LONRF3: variants seen among roughly 807,000 people sequenced by gnomAD.
LONRF3 encodes the protein LON peptidase N-terminal domain and RING finger protein 3.
LONRF3 carries 19 observed loss-of-function variants against 51.7 expected under a neutral mutation model. That is an observed-to-expected ratio of 0.37 (90% CI 0.26 to 0.54). LONRF3 has a LOEUF of 0.54. LONRF3 is among the 20% of genes least tolerant of loss of function. LONRF3 has a pLI of 0.86. For missense variants in LONRF3, 521 were observed against 623.9 expected (o/e 0.84, Z 1.76); for synonymous variants, 265 against 257.8 (o/e 1.03, Z -0.27).
intron 3 of LONRF3, chrX:118,986,923 A>T (rs956533518): frequency 1.5e-5 from 17 of 1,151,093 alleles, no homozygotes; most frequent in Admixed American, 5.2e-5. Context: ...TTTATGTCAC[A>T]GCTTCTCCTT....
rs747144199 is a variant in LONRF3, at chrX:118,974,657, G to T, written c.-124G>T. 55 of 572,830 alleles carry T rather than the reference G, an allele frequency of 9.6e-5. No individual in the cohort carries two copies. In the East Asian group the frequency reaches 2.0e-3, roughly 21 times the overall value. The allele number at this position is 572,830 out of a possible 1,213,427, so 47.2% of individuals were successfully genotyped here. A position where few individuals can be genotyped will look rare whatever the true frequency, so the allele number is the denominator to read the frequency against. ...GGCGGCCGGCATGGAGCTCCCGGAG[G>T]CGCGGCAGGGTCAGGAGCTCGGTGG... On this transcript the variant is annotated 5_prime_UTR_variant, in exon 1 of 11. Transcript: ENST00000371628.
chrX:118,974,929 C>G lies in LONRF3; in HGVS notation c.149C>G (p.Pro50Arg). 8.4e-7 allele frequency: 1 copy of G among 1,184,754 alleles called. No homozygotes were observed. The highest frequency in any genetic ancestry group is 1.1e-6 in the Non-Finnish European group (1 of 881,817). Residue 50 changes from proline (P) to arginine (R), a missense_variant, in exon 1 of 11, where the codon CCG becomes CGG. Transcript: ENST00000371628. ...GCTGCAGAGGGCCCCGCACCTCTAC[C>G]GACGCGGGAGCCAGAGCAAGAGCAG... ...KVAAEGPAPL[P>R]TREPEQEQSP...
chrX:118,979,686 C>T (rs754637475), intron 2 of LONRF3, among the ~76,000 whole-genome samples: 15 of 111,965 alleles, frequency 1.3e-4, no homozygotes, highest in African/African-American at 3.9e-4. Context: ...TCCTGAACCT[C>T]TACTGATAGG....
intron 5 of LONRF3, among the ~76,000 whole-genome samples, chrX:118,994,019 A>T (rs1923627696): frequency 8.9e-6 from 1 of 112,377 alleles, no homozygotes; most frequent in Non-Finnish European, 1.9e-5. Context: ...AACTGCTAAA[A>T]GGAGCTCTAA....
chrX:118,977,429 G>A (rs976911771), intron 1 of LONRF3, among the ~76,000 whole-genome samples: 1 of 112,168 alleles, frequency 8.9e-6, no homozygotes, highest in Non-Finnish European at 1.9e-5. Flanking sequence ...GGGTGAAAAT[G>A]TCAAGGCCAG....
chrX:118,990,856 T>C (rs1189103187), intron 5 of LONRF3, among the ~76,000 whole-genome samples: 1 of 111,400 alleles, frequency 9.0e-6, no homozygotes, highest in Admixed American at 9.5e-5. Flanking sequence ...TATGTCTTTT[T>C]TTTTTATGTC....
intron 2 of LONRF3, among the ~76,000 whole-genome samples, chrX:118,979,102 G>A (rs1425145598): frequency 4.9e-5 from 5 of 102,770 alleles, no homozygotes; most frequent in African/African-American, 1.8e-4. Flanking sequence ...CTGGGTTCAC[G>A]CCATTCTCCT....
At chrX:118,980,790 G>T (rs930720093) in intron 2 of LONRF3, among the ~76,000 whole-genome samples, 2 of 111,390 alleles carry the variant, frequency 1.8e-5, no homozygotes, top group African/African-American at 3.3e-5. Context: ...AGATCCTAGG[G>T]CTAAGGAACT....
intron 5 of LONRF3, among the ~76,000 whole-genome samples, chrX:119,000,884 C>T (rs1474189090): frequency 9.8e-6 from 1 of 102,150 alleles, no homozygotes; most frequent in Non-Finnish European, 2.0e-5. Context: ...CCTATTTCTC[C>T]CTCTCCTTCT....
chrX:118,975,670 C>G, intron 1 of LONRF3, 73 bp downstream of exon 1: 1 of 890,316 alleles, frequency 1.1e-6, no homozygotes, highest in Non-Finnish European at 1.5e-6. Flanking sequence ...ACAAACCCCG[C>G]AGCGAGAAGG....
intron 3 of LONRF3, among the ~76,000 whole-genome samples, chrX:118,984,514 G>A (rs1262408006): frequency 8.9e-6 from 1 of 111,922 alleles, no homozygotes; most frequent in Non-Finnish European, 1.9e-5. Flanking sequence ...GATGTTTTTG[G>A]TGTCATCAGT....
chrX:119,011,143 C>G (rs1434579492), intron 7 of LONRF3, among the ~76,000 whole-genome samples: 1 of 109,912 alleles, frequency 9.1e-6, no homozygotes, highest in Non-Finnish European at 1.9e-5. Flanking sequence ...AAAGAAAGAC[C>G]CTTGGGTCCC....
chrX:119,017,459 C>A, intron 10 of LONRF3, 76 bp from the exon 11 acceptor site: 1 of 1,044,929 alleles, frequency 9.6e-7, no homozygotes, highest in East Asian at 3.3e-5. Context: ...GGGTCTTTAC[C>A]TTGAGCATTT....
intron 5 of LONRF3, among the ~76,000 whole-genome samples, chrX:118,991,441 G>T (rs768307270): frequency 3.8e-4 from 42 of 111,453 alleles, no homozygotes; most frequent in African/African-American, 1.3e-3. Context: ...TTTGTTTTGT[G>T]TTGTGCCATG....
chrX:118,983,243 C>T (rs1259221936), intron 3 of LONRF3, among the ~76,000 whole-genome samples: 2 of 111,821 alleles, frequency 1.8e-5, no homozygotes, highest in Non-Finnish European at 3.8e-5. Flanking sequence ...AAATCAAGTA[C>T]ATTAATATGG....
chrX:119,006,378 C>T, intron 6 of LONRF3, 143 bp downstream of exon 6: 2 of 321,614 alleles, frequency 6.2e-6, no homozygotes, highest in South Asian at 2.1e-4. Flanking sequence ...CTCCCTCAAA[C>T]CATCTATTTC....
intron 3 of LONRF3, among the ~76,000 whole-genome samples, chrX:118,984,816 C>G (rs1210593699): frequency 8.9e-6 from 1 of 112,200 alleles, no homozygotes; most frequent in Non-Finnish European, 1.9e-5. Flanking sequence ...TTCAGAACAT[C>G]AAGAGTCCTC....
chrX:118,999,393 T>C (rs1439373486), intron 5 of LONRF3, among the ~76,000 whole-genome samples: 3 of 112,088 alleles, frequency 2.7e-5, no homozygotes, highest in Non-Finnish European at 3.8e-5. Context: ...AGAGAAATCC[T>C]GCTTCCAGGC....
chrX:118,982,908 G>C lies in LONRF3; in HGVS notation c.1024G>C (p.Gly342Arg). The stretch of plus-strand genomic sequence containing the variant: ...GTTTCTCTACTGTGTATCCCTTGAT[G>C]GAAAGAACAAGAGAGCAAGATGTGA... ...REFLYCVSLD[G>R]KNKRARCEAQ... is the part of the protein sequence containing the mutation. The change falls in exon 3 of 11, where the codon GGA becomes CGA. Residue 342 changes from glycine (G) to arginine (R), a missense_variant. Around this residue, in one of 2 missense-constraint regions of LONRF3, gnomAD observed 376 missense variants for 376.7 expected, o/e 1.00. Transcript: ENST00000371628. 8.3e-7 allele frequency: 1 copy of C among 1,211,036 alleles called. No homozygotes were observed.
Sources: gnomAD v4.1 joint callset for allele counts (sites outside exome capture counted in the v4.1 genomes callset) on GRCh38, gnomAD v4.1.1 for gene constraint, gnomAD v4.1.1 regional missense constraint, MANE v1.5 for transcripts, NCBI Gene and HGNC (gene_info 2026-07-23, HGNC 2026-07-21) for gene names.